The following KIF26B variants were observed in gnomAD, a reference collection of about 807,000 sequenced individuals.
KIF26B encodes kinesin family member 26B.
In KIF26B, 63 loss-of-function variants were observed where a neutral mutation model predicts 151.2. The ratio of observed to expected loss-of-function variants is 0.42; its 90% CI spans 0.34 to 0.51. KIF26B has a LOEUF of 0.51. Among genes scored for constraint, KIF26B ranks in the 20% least tolerant of loss-of-function variants. KIF26B has a pLI of 0.07. For missense variants in KIF26B, 2,813 were observed against 2,913.6 expected (o/e 0.97, Z 0.79); for synonymous variants, 1,357 against 1,262.1 (o/e 1.08, Z -1.59).
chr1:245,202,111 T>G (rs1669310223), intron 2 of KIF26B, among the ~76,000 whole-genome samples: 1 of 152,192 alleles, frequency 6.6e-6, no homozygotes, highest in South Asian at 2.1e-4. Flanking sequence ...GACTTGGCCA[T>G]TTGTACCACA....
chr1:245,374,569 C>T (rs764410989), intron 3 of KIF26B, among the ~76,000 whole-genome samples: 2 of 152,056 alleles, frequency 1.3e-5, no homozygotes, highest in Non-Finnish European at 2.9e-5. Context: ...CCTTCTTGGG[C>T]CAGCACTGGG....
At chr1:245,175,383 G>A (rs1429710620) in intron 2 of KIF26B, among the ~76,000 whole-genome samples, 1 of 152,110 alleles carries the variant, frequency 6.6e-6, no homozygotes, top group Non-Finnish European at 1.5e-5. Flanking sequence ...CTTTTGTAAA[G>A]TGCATTACTT....
At chr1:245,322,033 A>G (rs1671895349) in intron 2 of KIF26B, among the ~76,000 whole-genome samples, 1 of 152,248 alleles carries the variant, frequency 6.6e-6, no homozygotes, top group African/African-American at 2.4e-5. Flanking sequence ...ATGGAATACT[A>G]TGCAGCCATA....
intron 9 of KIF26B, among the ~76,000 whole-genome samples, chr1:245,629,484 C>G (rs901036441): frequency 6.6e-6 from 1 of 152,048 alleles, no homozygotes; most frequent in Non-Finnish European, 1.5e-5. Flanking sequence ...CTGACAAAAA[C>G]AAGCAATGGA....
At chr1:245,662,394 T>C (rs111206241) in intron 10 of KIF26B, among the ~76,000 whole-genome samples, 3,193 of 144,620 alleles carry the variant, frequency 0.022, 129 homozygotes, top group African/African-American at 0.077. Context: ...CATATATATA[T>C]ACACACACAT....
intron 12 of KIF26B, 89 bp downstream of exon 12, chr1:245,688,896 G>C: frequency 7.0e-7 from 1 of 1,437,846 alleles, no homozygotes. Flanking sequence ...CCGTGCCCTG[G>C]GGAGGGGGCG....
chr1:245,382,804 G>T (rs913296748), intron 3 of KIF26B, among the ~76,000 whole-genome samples: 3 of 151,890 alleles, frequency 2.0e-5, no homozygotes, highest in African/African-American at 7.3e-5. Context: ...CCGACCTCAG[G>T]TGATCCACCC....
intron 2 of KIF26B, among the ~76,000 whole-genome samples, chr1:245,335,706 C>CGCTTGT (rs1479549746): frequency 7.1e-6 from 1 of 140,276 alleles, no homozygotes; most frequent in Non-Finnish European, 1.5e-5. Context: ...AGAAGGGTCC[C>CGCTTGT]ACGTGGGGAA....
In KIF26B at chr1:245,686,164, A is replaced by G; in HGVS notation, c.3181A>G (p.Arg1061Gly). 2.5e-6 allele frequency: 4 copies of G among 1,612,484 alleles called. No individual in the cohort carries two copies. The highest frequency in any genetic ancestry group is 2.5e-6 in the Non-Finnish European group (3 of 1,179,836). Residue 1061 changes from arginine to glycine, a missense_variant, in exon 12 of 15, where the codon AGG (arginine) becomes GGG (glycine). This residue lies in a region of KIF26B where 2,060 missense variants were observed against 2,088.6 expected (regional missense o/e 0.99). Coordinates refer to ENST00000407071, the MANE Select transcript of KIF26B (RefSeq NM_018012.4). This position sits in a 1 kb window ranked among gnomAD's most constrained non-coding sequence, Gnocchi z 5.6. Reference protein sequence around the residue: ...NSCGFVEGKPRPMGSPRLGIA... With the variant: ...NSCGFVEGKPGPMGSPRLGIA... ...CTGCGGCTTCGTGGAAGGCAAGCCCAGGCCCATGGGCTCCCCCCGGCTGGG... is the reference window on the plus strand; with the variant it reads ...CTGCGGCTTCGTGGAAGGCAAGCCCGGGCCCATGGGCTCCCCCCGGCTGGG...
chr1:245,170,943 C>T lies in KIF26B; in HGVS notation c.465+14260C>T, dbSNP rs901470219. 6.6e-6 allele frequency among the ~76,000 whole-genome samples: 1 copy of T among 152,184 alleles called. No homozygotes were observed. The highest frequency in any genetic ancestry group is 1.5e-5 in the Non-Finnish European group (1 of 68,046). On this transcript the variant is annotated intron_variant, in intron 2 of 14. Transcript: ENST00000407071. This position sits in a 1 kb window ranked among gnomAD's most constrained non-coding sequence, Gnocchi z 4.4. ...TCTGGTAATTGATTCTGCACTGTCTCCATTATTTGGTGAGATGGTAACATG... is the reference window on the plus strand; with the variant it reads ...TCTGGTAATTGATTCTGCACTGTCTTCATTATTTGGTGAGATGGTAACATG...
At chr1:245,609,234 A>G in intron 7 of KIF26B, 32 bp from the exon 8 acceptor site, 1 of 1,565,310 alleles carries the variant, frequency 6.4e-7, no homozygotes, top group Admixed American at 1.8e-5. Flanking sequence ...TGGACACTGA[A>G]CCTGCTTTTC....
At chr1:245,208,314 G>C (rs746450733) in intron 2 of KIF26B, among the ~76,000 whole-genome samples, 2 of 152,124 alleles carry the variant, frequency 1.3e-5, no homozygotes, top group South Asian at 4.1e-4. Flanking sequence ...CCAATTCACC[G>C]GAGTTCATTG....
At chr1:245,420,955 C>T (rs1455343681) in intron 4 of KIF26B, among the ~76,000 whole-genome samples, 2 of 152,070 alleles carry the variant, frequency 1.3e-5, no homozygotes, top group South Asian at 2.1e-4. Flanking sequence ...GTTGGAAGAC[C>T]GGCTTTGAGG....
intron 9 of KIF26B, among the ~76,000 whole-genome samples, chr1:245,613,937 C>T (rs536046170): frequency 6.6e-6 from 1 of 152,318 alleles, no homozygotes; most frequent in South Asian, 2.1e-4. Flanking sequence ...CTAAAGTTCC[C>T]TCTTGCCGTT....
At chr1:245,578,381 A>C (rs1164613103) in intron 5 of KIF26B, among the ~76,000 whole-genome samples, 4 of 152,202 alleles carry the variant, frequency 2.6e-5, no homozygotes, top group African/African-American at 7.2e-5. Flanking sequence ...GCAAGTCCTG[A>C]TTCACAGAGT....
intron 2 of KIF26B, among the ~76,000 whole-genome samples, chr1:245,180,090 C>G (rs1447978199): frequency 2.0e-5 from 3 of 152,232 alleles, no homozygotes; most frequent in African/African-American, 7.2e-5. Context: ...AAGATCTCAG[C>G]TGGAGACAGG....
intron 4 of KIF26B, among the ~76,000 whole-genome samples, chr1:245,536,897 G>T (rs554842095): frequency 6.6e-6 from 1 of 152,348 alleles, no homozygotes; most frequent in Admixed American, 6.5e-5. Flanking sequence ...AAGGAAGCCA[G>T]GGAGAGGCCA....
chr1:245,212,573 G>T (rs1161895745), intron 2 of KIF26B, among the ~76,000 whole-genome samples: 1 of 152,232 alleles, frequency 6.6e-6, no homozygotes, highest in African/African-American at 2.4e-5. Flanking sequence ...AATGAGGCTT[G>T]CATCTCTCTT....
At chr1:245,653,914 C>T (rs1439135264) in intron 10 of KIF26B, among the ~76,000 whole-genome samples, 1 of 151,994 alleles carries the variant, frequency 6.6e-6, no homozygotes, top group Non-Finnish European at 1.5e-5. Flanking sequence ...AATTAAAACA[C>T]TAGCTGGGCA....
Sources: gnomAD v4.1 joint callset for allele counts (sites outside exome capture counted in the v4.1 genomes callset) on GRCh38, gnomAD v4.1.1 for gene constraint, gnomAD v4.1.1 regional missense constraint, Gnocchi (gnomAD v3.1) non-coding constraint, MANE v1.5 for transcripts, NCBI Gene and HGNC (gene_info 2026-07-23, HGNC 2026-07-21) for gene names.